FAM135B: variants seen among roughly 807,000 people sequenced by gnomAD.
FAM135B encodes family with sequence similarity 135 member B, also known as protein FAM135B.
A neutral mutation model predicts 127.7 loss-of-function variants in FAM135B; 43 were observed. The observed-to-expected ratio is 0.34, with a 90% CI of 0.26 to 0.43. FAM135B has a LOEUF of 0.43. Among genes scored for constraint, FAM135B ranks in the 20% least tolerant of loss-of-function variants. The pLI, the probability that FAM135B is intolerant of heterozygous loss-of-function variation, is 1.00. For synonymous variants in FAM135B, 670 were observed against 665.1 expected (o/e 1.01, Z -0.11); for missense variants, 1,558 against 1,725.6 (o/e 0.90, Z 1.72).
intron 4 of FAM135B, among the ~76,000 whole-genome samples, chr8:138,265,481 C>T (rs1021513927): frequency 3.3e-5 from 5 of 152,126 alleles, no homozygotes; most frequent in Admixed American, 2.6e-4. Context: ...TCAATGGAGA[C>T]TGTTTGCACT....
Position 138,131,008 on chromosome 8 carries a change from C to G in FAM135B, c.*1585G>C, listed in dbSNP as rs1401405400. 1 of 152,198 alleles carries G rather than the reference C, an allele frequency of 6.6e-6. No individual in the cohort carries two copies. Among genetic ancestry groups the G allele is most frequent in the Non-Finnish European group, 1.5e-5 (1 of 68,058 alleles). The allele number at this position is 152,198 out of a possible 1,614,324, so 9.4% of individuals were successfully genotyped here. On this transcript the variant is annotated 3_prime_UTR_variant, in exon 20 of 20. Coordinates refer to ENST00000395297, the MANE Select transcript of FAM135B (RefSeq NM_015912.4). ...ACCCTCTCTTTCTTCAAAAGAATAC[C>G]ACATGTCTACACTCCTGCAAAGCTG...
At position 138,162,925 on chromosome 8, in the gene FAM135B, A is replaced by G. The variant is rs539834353; in HGVS notation, c.1258+4970T>C. ...CATAGATTCTTGGAATTAAAAAAAAATTTTATCAGATTCATCACAGACAGT... is the reference window on the plus strand; with the variant it reads ...CATAGATTCTTGGAATTAAAAAAAAGTTTTATCAGATTCATCACAGACAGT... On this transcript the variant is annotated intron_variant, in intron 12 of 19. Transcript: ENST00000395297. Among the ~76,000 whole-genome samples the G allele has an allele frequency of 2.0e-5, 3 of 152,340 alleles. No individual in the cohort carries two copies. In the South Asian group the frequency reaches 6.2e-4, roughly 32 times the overall value.
Position 138,256,748 on chromosome 8 carries a change from T to G in FAM135B, c.309A>C (p.Ala103=), listed in dbSNP as rs1822126204. 1.2e-6 allele frequency: 2 copies of G among 1,613,710 alleles called. No individual in the cohort carries two copies. Among genetic ancestry groups the G allele is most frequent in the African/African-American group, 2.7e-5 (2 of 74,924 alleles). The change falls in exon 5 of 20, where the codon GCA becomes GCC. Residue 103 remains alanine, a synonymous_variant. Transcript: ENST00000395297. ...TGAGTTGAAAATCTACTTCACTCAG[T>G]GCGTCTTCCATCTGCAAAAGAAACA... ...LLLGGERMED[A]LSEVDFQLKV... is the part of the protein sequence containing the mutation.
intron 12 of FAM135B, among the ~76,000 whole-genome samples, chr8:138,157,584 GC>G (rs373836245): frequency 0.19 from 28,235 of 151,988 alleles, 2,585 homozygotes; most frequent in East Asian, 0.24. Context: ...AAGCTGATAA[GC>G]ACCTTCAGCA....
At chr8:138,355,020 C>A (rs1587206950) in intron 2 of FAM135B, among the ~76,000 whole-genome samples, 1 of 152,220 alleles carries the variant, frequency 6.6e-6, no homozygotes, top group Middle Eastern at 3.4e-3. Flanking sequence ...TTCCTCCCAC[C>A]CTACAGCAGG....
At chr8:138,366,242 G>C (rs1830723810) in intron 2 of FAM135B, among the ~76,000 whole-genome samples, 2 of 152,064 alleles carry the variant, frequency 1.3e-5, no homozygotes, top group African/African-American at 4.8e-5. Flanking sequence ...GAAAAGTCAG[G>C]AAAAGACAAA....
intron 1 of FAM135B, among the ~76,000 whole-genome samples, chr8:138,473,306 T>TAA (rs965684014): frequency 6.6e-6 from 1 of 152,112 alleles, no homozygotes; most frequent in Non-Finnish European, 1.5e-5. Flanking sequence ...TAAAGTCTTC[T>TAA]CATAGCATTC....
intron 1 of FAM135B, among the ~76,000 whole-genome samples, chr8:138,406,437 C>G (rs1221740889): frequency 9.2e-5 from 14 of 151,444 alleles, no homozygotes; most frequent in Non-Finnish European, 4.4e-5. Flanking sequence ...GATACCAAAG[C>G]CGGGCAGAGA....
chr8:138,347,632 A>T (rs1829504729), intron 2 of FAM135B, among the ~76,000 whole-genome samples: 1 of 152,188 alleles, frequency 6.6e-6, no homozygotes, highest in African/African-American at 2.4e-5. Context: ...TATTCTTAAG[A>T]TGATACAAGT....
At chr8:138,447,975 A>C (rs1320482683) in intron 1 of FAM135B, among the ~76,000 whole-genome samples, 2 of 152,102 alleles carry the variant, frequency 1.3e-5, no homozygotes, top group East Asian at 1.9e-4. Context: ...TCTCACAGGA[A>C]GTAGAAGATC....
chr8:138,452,124 C>CTTTTTTT (rs1158033996), intron 1 of FAM135B, among the ~76,000 whole-genome samples: 64 of 104,158 alleles, frequency 6.1e-4, no homozygotes, highest in South Asian at 6.5e-4. Flanking sequence ...ACCCAATCTG[C>CTTTTTTT]TTTTTTTTTT....
At chr8:138,205,296 G>A (rs1338196916) in intron 7 of FAM135B, among the ~76,000 whole-genome samples, 1 of 152,174 alleles carries the variant, frequency 6.6e-6, no homozygotes, top group Admixed American at 6.5e-5. Flanking sequence ...CAAGAAAGTG[G>A]CAGATCAAGA....
intron 6 of FAM135B, among the ~76,000 whole-genome samples, chr8:138,245,716 G>A (rs1320321995): frequency 3.9e-5 from 6 of 152,150 alleles, no homozygotes; most frequent in Non-Finnish European, 8.8e-5. Context: ...GTTGCTATAA[G>A]GACACCCAAA....
chr8:138,378,599 C>G (rs565291478), intron 1 of FAM135B, among the ~76,000 whole-genome samples: 2 of 152,272 alleles, frequency 1.3e-5, no homozygotes, highest in African/African-American at 2.4e-5. Context: ...TGATTAGGAG[C>G]AGAGGGGAGG....
chr8:138,186,938 A>T (rs1815638244), intron 9 of FAM135B, among the ~76,000 whole-genome samples: 1 of 152,150 alleles, frequency 6.6e-6, no homozygotes, highest in East Asian at 1.9e-4. Context: ...CGTGGACTTT[A>T]AGGAAGCCAC....
chr8:138,387,398 A>G (rs971298782), intron 1 of FAM135B, among the ~76,000 whole-genome samples: 2 of 152,192 alleles, frequency 1.3e-5, no homozygotes, highest in Non-Finnish European at 2.9e-5. Flanking sequence ...GAGTCCATCC[A>G]GTAGACATAT....
At chr8:138,383,867 CCT>C (rs1384669407) in intron 1 of FAM135B, among the ~76,000 whole-genome samples, 2 of 152,204 alleles carry the variant, frequency 1.3e-5, no homozygotes, top group African/African-American at 4.8e-5. Context: ...CCACGCCCAT[CCT>C]CTGTCTTGGT....
At chr8:138,389,790 T>C (rs1832439458) in intron 1 of FAM135B, among the ~76,000 whole-genome samples, 1 of 152,202 alleles carries the variant, frequency 6.6e-6, no homozygotes, top group East Asian at 1.9e-4. Flanking sequence ...TCGTTCACTT[T>C]AAAATGGATC....
intron 7 of FAM135B, among the ~76,000 whole-genome samples, chr8:138,208,512 C>T (rs1032621795): frequency 1.3e-4 from 20 of 152,038 alleles, no homozygotes; most frequent in African/African-American, 4.8e-4. Flanking sequence ...CTTTCTGATC[C>T]CGTTTATTTC....
Sources: gnomAD v4.1 joint callset for allele counts (sites outside exome capture counted in the v4.1 genomes callset) on GRCh38, gnomAD v4.1.1 for gene constraint, MANE v1.5 for transcripts, NCBI Gene and HGNC (gene_info 2026-07-23, HGNC 2026-07-21) for gene names.